LHFPL6: variants seen among roughly 807,000 people sequenced by gnomAD.
LHFPL6 encodes the protein LHFPL tetraspan subfamily member 6 protein.
Under a neutral mutation model 20.6 loss-of-function variants are expected in LHFPL6, and 9 were observed. The ratio of observed to expected loss-of-function variants is 0.44; its 90% confidence interval spans 0.26 to 0.76. The LOEUF (loss-of-function observed/expected upper bound fraction) is 0.76, where lower values mean the gene tolerates loss of function less well. Ranked by LOEUF, LHFPL6 falls within the 30% of genes least tolerant of loss-of-function variation. The pLI, the probability that LHFPL6 is intolerant of heterozygous loss-of-function variation, is 0.20. For missense variants in LHFPL6, 218 were observed against 253.5 expected (o/e 0.86, Z 0.95); for synonymous variants, 105 against 98.7 (o/e 1.06, Z -0.38).
intron 2 of LHFPL6, among the ~76,000 whole-genome samples, chr13:39,402,944 C>T (rs1871029136): frequency 6.6e-6 from 1 of 152,136 alleles, no homozygotes. Flanking sequence ...GCTGTGACTC[C>T]CACAGTACTC....
intron 3 of LHFPL6, among the ~76,000 whole-genome samples, chr13:39,362,575 C>G (rs1869902133): frequency 1.3e-5 from 2 of 152,128 alleles, no homozygotes; most frequent in Admixed American, 6.5e-5. Flanking sequence ...ACATATTGAC[C>G]ATATGATATG....
chr13:39,523,728 CA>C (rs1870194386), intron 2 of LHFPL6, among the ~76,000 whole-genome samples: 1 of 152,140 alleles, frequency 6.6e-6, no homozygotes. Context: ...TGCCTACCAC[CA>C]CTACTGCTCT....
At chr13:39,408,696 G>A (rs564333026) in intron 2 of LHFPL6, among the ~76,000 whole-genome samples, 9 of 152,188 alleles carry the variant, frequency 5.9e-5, no homozygotes, top group Non-Finnish European at 1.3e-4. Flanking sequence ...AAATATAAGC[G>A]GACCATGGAA....
chr13:39,586,719 G>A (rs1872459662), intron 2 of LHFPL6, among the ~76,000 whole-genome samples: 1 of 152,032 alleles, frequency 6.6e-6, no homozygotes, highest in African/African-American at 2.4e-5. Context: ...ACCATCGCTG[G>A]CCAACATTGC....
At chr13:39,502,097 C>T (rs931794389) in intron 2 of LHFPL6, among the ~76,000 whole-genome samples, 1 of 152,168 alleles carries the variant, frequency 6.6e-6, no homozygotes, top group Non-Finnish European at 1.5e-5. Flanking sequence ...GGAAAATCCC[C>T]AGGCCCTACA....
chr13:39,576,999 A>T (rs1872136973), intron 2 of LHFPL6, among the ~76,000 whole-genome samples: 1 of 152,152 alleles, frequency 6.6e-6, no homozygotes, highest in Non-Finnish European at 1.5e-5. Context: ...TCATTCATTC[A>T]CCCAATGTCC....
At chr13:39,352,930 T>C (rs1471239726) in intron 3 of LHFPL6, among the ~76,000 whole-genome samples, 6 of 57,266 alleles carry the variant, frequency 1.0e-4, no homozygotes, top group Non-Finnish European at 2.1e-4. Context: ...TATAAATGTA[T>C]ATATATGTGT....
At chr13:39,472,483 T>C (rs999147808) in intron 2 of LHFPL6, among the ~76,000 whole-genome samples, 1 of 152,220 alleles carries the variant, frequency 6.6e-6, no homozygotes, top group Admixed American at 6.5e-5. Context: ...TGAAGTCTGA[T>C]GAACAACATA....
intron 2 of LHFPL6, among the ~76,000 whole-genome samples, chr13:39,434,363 G>A (rs2138408000): frequency 6.6e-6 from 1 of 152,262 alleles, no homozygotes; most frequent in Middle Eastern, 3.4e-3. Flanking sequence ...AAAGAAGGCA[G>A]CAGAATTCTA....
chr13:39,380,435 C>CTGTATT (rs1870408288), intron 2 of LHFPL6, among the ~76,000 whole-genome samples: 1 of 151,898 alleles, frequency 6.6e-6, no homozygotes, highest in Non-Finnish European at 1.5e-5. Context: ...AAAGTTTCAT[C>CTGTATT]TGTATTTACA....
chr13:39,567,137 G>T (rs1871750240), intron 2 of LHFPL6, among the ~76,000 whole-genome samples: 1 of 151,296 alleles, frequency 6.6e-6, no homozygotes, highest in Admixed American at 6.6e-5. Flanking sequence ...CCCAAACACA[G>T]ATCAGAAGAC....
At chr13:39,442,925 TTC>T (rs371232853) in intron 2 of LHFPL6, among the ~76,000 whole-genome samples, 50 of 149,600 alleles carry the variant, frequency 3.3e-4, no homozygotes, top group East Asian at 1.6e-3. Context: ...TCTTGTCTCT[TTC>T]TCTCTCTCTC....
chr13:39,510,055 A>C (rs1005491925), intron 2 of LHFPL6, among the ~76,000 whole-genome samples: 1 of 152,274 alleles, frequency 6.6e-6, no homozygotes, highest in African/African-American at 2.4e-5. Context: ...GTGCTCAAAG[A>C]GAATCCTGCA....
intron 2 of LHFPL6, among the ~76,000 whole-genome samples, chr13:39,554,746 C>T (rs1266071683): frequency 6.6e-6 from 1 of 152,256 alleles, no homozygotes; most frequent in African/African-American, 2.4e-5. Flanking sequence ...CAGCCATTCA[C>T]ATCCCCATCT....
intron 2 of LHFPL6, among the ~76,000 whole-genome samples, chr13:39,463,144 TC>T (rs1229996467): frequency 6.6e-6 from 1 of 152,146 alleles, no homozygotes. Flanking sequence ...TTGGAAAGAT[TC>T]CGGGCTATGG....
At position 39,601,305 on chromosome 13, in the gene LHFPL6, G is replaced by T. The variant is rs918898047; in HGVS notation, c.-89C>A. On this transcript the variant is annotated 5_prime_UTR_variant, in exon 2 of 4. In the 5' UTR this introduces an upstream ATG that the reference lacks. Coordinates refer to ENST00000379589, the MANE Select transcript of LHFPL6 (RefSeq NM_005780.3). ...GGTGTGAAATCACCAGGGACCCACA[G>T]ATAATCCACAGTTCCGTAATGCAGA... The T allele has an allele frequency of 1.5e-6, 2 of 1,333,282 alleles. No homozygotes were observed. The highest frequency in any genetic ancestry group is 2.0e-6 in the Non-Finnish European group (2 of 983,850). The allele number at this position is 1,333,282 out of a possible 1,614,324, so 82.6% of individuals were successfully genotyped here. A position where few individuals can be genotyped will look rare whatever the true frequency, so the allele number is the denominator to read the frequency against.
chr13:39,544,086 T>C (rs1870897845), intron 2 of LHFPL6, among the ~76,000 whole-genome samples: 1 of 152,158 alleles, frequency 6.6e-6, no homozygotes, highest in Non-Finnish European at 1.5e-5. Context: ...GCTATTATCA[T>C]TGAAGAGTAG....
At chr13:39,471,210 A>G (rs148114118) in intron 2 of LHFPL6, among the ~76,000 whole-genome samples, 1 of 152,274 alleles carries the variant, frequency 6.6e-6, no homozygotes, top group African/African-American at 2.4e-5. Flanking sequence ...AGAAAGACTG[A>G]AGGATGCAGG....
At chr13:39,371,566 G>A (rs1870167749) in intron 3 of LHFPL6, among the ~76,000 whole-genome samples, 1 of 152,104 alleles carries the variant, frequency 6.6e-6, no homozygotes, top group African/African-American at 2.4e-5. Context: ...CTCTCAAAAA[G>A]CAATAAATAA....
Sources: allele counts gnomAD v4.1 joint callset (sites outside exome capture counted in the v4.1 genomes callset), GRCh38; gene constraint gnomAD v4.1.1; transcripts MANE v1.5; gene names NCBI Gene and HGNC (gene_info 2026-07-23, HGNC 2026-07-21).